ECM1: variants seen among roughly 807,000 people sequenced by gnomAD.
ECM1 encodes secretory component p85.
Under a neutral mutation model 57.9 loss-of-function variants are expected in ECM1, and 54 were observed. The ratio of observed to expected loss-of-function variants is 0.93; its 90% CI spans 0.75 to 1.17. The LOEUF is 1.17. ECM1 is among the 50% of genes most tolerant of loss of function. The pLI is 0.00. For synonymous variants in ECM1, 237 were observed against 259.1 expected, an observed-to-expected ratio of 0.91 and a Z score of 0.82; for missense variants, 649 against 688.1, an observed-to-expected ratio of 0.94 and a Z score of 0.64.
In ECM1 at chr1:150,509,647, C is replaced by T. The variant is rs757416435; in HGVS notation, c.122-14C>T. 40 of 1,613,638 alleles carry T rather than the reference C, an allele frequency of 2.5e-5. No individual in the cohort carries two copies. Among genetic ancestry groups the T allele is most frequent in the Non-Finnish European group, 3.1e-5 (36 of 1,179,752 alleles). ...AGGCACTGTGGGCTCTGATGTCTCC[C>T]CTCTTGCTTCTAGTTGGCTACGCAG... On this transcript the variant is annotated splice_polypyrimidine_tract_variant and intron_variant, in intron 2 of 9. Coordinates refer to ENST00000369047, the MANE Select transcript of ECM1 (RefSeq NM_004425.4).
Position 150,509,596 on chromosome 1 carries a change from G to A in ECM1, c.121+15G>A, listed in dbSNP as rs1468908905. ...CTTTCAAGAAGGTAAGAGTTTGGGG[G>A]AGCAGCATGGGATTGGGACTCCAGG... On this transcript the variant is annotated intron_variant, in intron 2 of 9. Coordinates refer to ENST00000369047, the MANE Select transcript of ECM1 (RefSeq NM_004425.4). 1 of 1,614,094 alleles carries A rather than the reference G, an allele frequency of 6.2e-7. No homozygotes were observed. The highest frequency in any genetic ancestry group is 1.1e-5 in the South Asian group (1 of 91,074).
chr1:150,512,474 C>A lies in ECM1; in HGVS notation c.1206C>A (p.Tyr402Ter), dbSNP rs1670470411. ...RDECFARRAP[Y>*]PNYDRDILTI... is the part of the protein sequence containing the mutation. ...AGTGCTTTGCCCGTCGGGCTCCTTA[C>A]CCCAACTATGACCGGGACATCTTGA... The change falls in exon 8 of 10, where the codon TAC becomes TAA. Residue 402 changes from tyrosine (Y) to a stop codon, truncating the protein, a stop_gained. Coordinates refer to ENST00000369047, the MANE Select transcript of ECM1 (RefSeq NM_004425.4). LOFTEE classifies it high-confidence loss of function. 11 of 1,613,846 alleles carry A rather than the reference C, an allele frequency of 6.8e-6. No homozygotes were observed. The highest frequency in any genetic ancestry group is 8.5e-6 in the Non-Finnish European group (10 of 1,180,004).
At chr1:150,509,471 C>T in intron 1 of ECM1, 60 bp from the exon 2 acceptor site, 1 of 1,593,158 alleles carries the variant, frequency 6.3e-7, no homozygotes, top group South Asian at 1.1e-5. Context: ...CTCCCCATCC[C>T]TTGCTGAAGT....
rs376784973 is a variant in ECM1 at position 150,508,277 on chromosome 1, G to T, written c.68G>T (p.Gly23Val). ...YLAVASAASE[G>V]GFTATGQRQL... is the part of the protein sequence containing the mutation. ...GCTGTTGCTTCTGCTGCCTCTGAGG[G>T]AGGTGAGTTGGGGGATCAGCACTTA... Residue 23 changes from glycine to valine, a missense_variant and splice_region_variant, in exon 1 of 10, where the codon GGA becomes GTA. Transcript: ENST00000369047. The T allele has an allele frequency of 1.0e-4, 161 of 1,613,744 alleles. 1 individual carries two copies. The highest frequency in any genetic ancestry group is 1.2e-4 in the Non-Finnish European group (144 of 1,180,024).
chr1:150,513,367 C>T lies in ECM1; in HGVS notation c.1523C>T (p.Ala508Val). Residue 508 changes from alanine (A) to valine (V), a missense_variant, in exon 10 of 10, where the codon GCT becomes GTT. Physicochemically the swap from Ala to Val is moderately conservative, Grantham distance 64 (BLOSUM62 0). Coordinates refer to ENST00000369047, the MANE Select transcript of ECM1 (RefSeq NM_004425.4). ...CFNINYLRNVALVSGDTENAK... is the reference protein window; with the variant it reads ...CFNINYLRNVVLVSGDTENAK... Reference sequence around the variant, plus strand: ...AACATCAATTATCTGAGGAACGTGGCTCTAGTGTCTGGAGACACTGAGAAC... The same window carrying T: ...AACATCAATTATCTGAGGAACGTGGTTCTAGTGTCTGGAGACACTGAGAAC... 1 of 1,614,244 alleles carries T rather than the reference C, an allele frequency of 6.2e-7. No homozygotes were observed. Among genetic ancestry groups the T allele is most frequent in the South Asian group, 1.1e-5 (1 of 91,090 alleles).
chr1:150,510,878 A>T lies in ECM1; in HGVS notation c.388A>T (p.Thr130Ser). ...LQHPNEQKEG[T>S]PAPFGDQSHP... ...TCCCACTGTTTTCCCCATTCCAGGA[A>T]CGCCAGCTCCATTTGGGGACCAGAG... Residue 130 changes from threonine (T) to serine (S), a missense_variant and splice_region_variant, in exon 6 of 10, where the codon ACG (threonine) becomes TCG (serine). Coordinates refer to ENST00000369047, the MANE Select transcript of ECM1 (RefSeq NM_004425.4). 6.2e-7 allele frequency: 1 copy of T among 1,613,872 alleles called. No homozygotes were observed. Among genetic ancestry groups the T allele is most frequent in the Non-Finnish European group, 8.5e-7 (1 of 1,179,978 alleles).
rs1426467762 is a variant in ECM1 at position 150,513,344 on chromosome 1, C to T, written c.1500C>T (p.Asn500=). ...SPGDEQVNCF[N]INYLRNVALV... is the part of the protein sequence containing the mutation. The stretch of plus-strand genomic sequence containing the variant: ...GGGATGAACAGGTCAACTGCTTCAA[C>T]ATCAATTATCTGAGGAACGTGGCTC... The change falls in exon 10 of 10, where the codon AAC becomes AAT. Residue 500 remains asparagine, a synonymous_variant. Transcript: ENST00000369047. The T allele has an allele frequency of 6.2e-7, 1 of 1,614,244 alleles. No individual in the cohort carries two copies. The highest frequency in any genetic ancestry group is 1.7e-5 in the Admixed American group (1 of 60,032).
Position 150,511,793 on chromosome 1 carries a change from T to C in ECM1, c.1045T>C (p.Cys349Arg), listed in dbSNP as rs777173556. 5.6e-6 allele frequency: 9 copies of C among 1,612,850 alleles called. No individual in the cohort carries two copies. The highest frequency in any genetic ancestry group is 6.8e-6 in the Non-Finnish European group (8 of 1,179,146). ...IQLEREFQRC[C>R]RQGNNHTCTW... ...GCTGGAGAGGGAGTTCCAGCGCTGC[T>C]GCCGCCAGGGGAACAATCACACCTG... Residue 349 changes from cysteine (C) to arginine (R), a missense_variant, in exon 7 of 10, where the codon TGC (cysteine) becomes CGC (arginine). Cys to Arg is a radical substitution (Grantham distance 180). Coordinates refer to ENST00000369047, the MANE Select transcript of ECM1 (RefSeq NM_004425.4).
chr1:150,509,421 G>A (rs761697074), intron 1 of ECM1, 110 bp from the exon 2 acceptor site: 17 of 1,194,672 alleles, frequency 1.4e-5, no homozygotes, highest in Middle Eastern at 2.4e-4. Context: ...GGGGCATCTC[G>A]TGTCTTGCTT....
intron 9 of ECM1, 109 bp from the exon 10 acceptor site, chr1:150,513,126 GGA>G (rs781312176): frequency 2.5e-4 from 296 of 1,161,924 alleles, no homozygotes; most frequent in Non-Finnish European, 3.5e-4. Context: ...GGGGAACGAG[GGA>G]GAGAGCAGTA....
At chr1:150,509,487 G>A (rs756366792) in intron 1 of ECM1, 44 bp from the exon 2 acceptor site, 1 of 1,611,898 alleles carries the variant, frequency 6.2e-7, no homozygotes, top group South Asian at 1.1e-5. Flanking sequence ...GAAGTCCAGG[G>A]AAGGCCCTCC....
Position 150,511,217 on chromosome 1 carries a change from T to G in ECM1, c.708+19T>G. On this transcript the variant is annotated intron_variant, in intron 6 of 9. Coordinates refer to ENST00000369047, the MANE Select transcript of ECM1 (RefSeq NM_004425.4). Reference sequence around the variant, plus strand: ...ACTTGTGGTAAGGTTGGGTTCTTGATGCCGGGGGGTGTCCTTTAACCCCAG... The same window carrying G: ...ACTTGTGGTAAGGTTGGGTTCTTGAGGCCGGGGGGTGTCCTTTAACCCCAG... The G allele has an allele frequency of 1.9e-6, 3 of 1,613,928 alleles. No individual in the cohort carries two copies. Among genetic ancestry groups the G allele is most frequent in the Admixed American group, 1.7e-5 (1 of 60,034 alleles).
chr1:150,510,837 T>C, intron 5 of ECM1, 39 bp from the exon 6 acceptor site: 1 of 1,609,026 alleles, frequency 6.2e-7, no homozygotes, highest in South Asian at 1.1e-5. Context: ...TGTGGGTTCC[T>C]TCACATGTCC....
rs767050399 is a variant in ECM1, at chr1:150,510,180, A to G, written c.383A>G (p.Glu128Gly). The change falls in exon 5 of 10, where the codon GAA becomes GGA. Residue 128 changes from glutamate to glycine, a missense_variant and splice_region_variant. Physicochemically the swap from Glu to Gly is moderately conservative, Grantham distance 98. Coordinates refer to ENST00000369047, the MANE Select transcript of ECM1 (RefSeq NM_004425.4). The part of the protein sequence containing the change: ...PSLQHPNEQK[E>G]GTPAPFGDQS... The stretch of plus-strand genomic sequence containing the variant: ...CTCCAGCACCCCAATGAACAGAAGG[A>G]AGGTAAGCAGCTCCCTCTCTTCTTT... The G allele has an allele frequency of 3.7e-6, 6 of 1,613,740 alleles. No individual in the cohort carries two copies. The highest frequency in any genetic ancestry group is 1.7e-6 in the Non-Finnish European group (2 of 1,179,776).
chr1:150,512,609 C>G (rs1272090072), intron 8 of ECM1, 37 bp downstream of exon 8: 1 of 1,613,522 alleles, frequency 6.2e-7, no homozygotes, highest in Admixed American at 1.7e-5. Context: ...TCTTCCTTTC[C>G]CGAAAACTTC....
At position 150,511,181 on chromosome 1, in the gene ECM1, G is replaced by A; in HGVS notation, c.691G>A (p.Glu231Lys). The A allele has an allele frequency of 6.2e-7, 1 of 1,614,186 alleles. No homozygotes were observed. The highest frequency in any genetic ancestry group is 1.3e-5 in the African/African-American group (1 of 75,058). The change falls in exon 6 of 10, where the codon GAG becomes AAG. Residue 231 changes from glutamate to lysine, a missense_variant. Physicochemically the swap from Glu to Lys is moderately conservative, Grantham distance 56. Coordinates refer to ENST00000369047, the MANE Select transcript of ECM1 (RefSeq NM_004425.4). ...CTGCCGCAGCCACACAAACCGCCTA[G>A]AGTGTGCCAAACTTGTGGTAAGGTT... is the stretch of plus-strand genomic sequence containing the variant. ...CHCRSHTNRL[E>K]CAKLVWEEAM...
At position 150,511,837 on chromosome 1, in the gene ECM1, T is replaced by TGGGC; in HGVS notation, c.1083+8_1083+11dup. ...ACACCTGTACATGGAAGGCCGTAAG[T>TGGGC]GGGCGTCCCAGCCTCCCTGAGAGCC... On this transcript the variant is annotated splice_region_variant and intron_variant, in intron 7 of 9. Coordinates refer to ENST00000369047, the MANE Select transcript of ECM1 (RefSeq NM_004425.4). 1 of 1,596,572 alleles carries TGGGC rather than the reference T, an allele frequency of 6.3e-7. No individual in the cohort carries two copies. Among genetic ancestry groups the TGGGC allele is most frequent in the Non-Finnish European group, 8.5e-7 (1 of 1,170,000 alleles).
At chr1:150,509,502 G>A in intron 1 of ECM1, 29 bp from the exon 2 acceptor site, 1 of 1,614,008 alleles carries the variant, frequency 6.2e-7, no homozygotes, top group Middle Eastern at 1.7e-4. Flanking sequence ...CCCTCCCAGT[G>A]GCCCCTGACT....
rs144678642 is a variant in ECM1, at chr1:150,512,711, T to C, written c.1305-14T>C. On this transcript the variant is annotated splice_polypyrimidine_tract_variant and intron_variant, in intron 8 of 9. Coordinates refer to ENST00000369047, the MANE Select transcript of ECM1 (RefSeq NM_004425.4). ...CCAAAGACCCTAACCCCTGCCCCTTTCACACCAACATAGTAAACATATTCC... is the reference window on the plus strand; with the variant it reads ...CCAAAGACCCTAACCCCTGCCCCTTCCACACCAACATAGTAAACATATTCC... The C allele has an allele frequency of 3.3e-3, 5,369 of 1,614,026 alleles. 121 individuals carry two copies. In the African/African-American group the frequency reaches 0.051, roughly 15 times the overall value.
Sources: gnomAD v4.1 joint callset for allele counts on GRCh38, gnomAD v4.1.1 for gene constraint, MANE v1.5 for transcripts, NCBI Gene and HGNC (gene_info 2026-07-23, HGNC 2026-07-21) for gene names.